Variants in TRIM75 observed in about 807,000 individuals in gnomAD.
TRIM75 encodes the protein tripartite motif-containing protein 75.
chr4:165,060,500 T>C, the TRIM75 span: 1,192 of 778,854 alleles, frequency 1.5e-3, 13 homozygotes, highest in African/African-American at 0.017. Context: ...CTTATTTCTA[T>C]GTAGGACCAG....
chr4:165,056,119 G>T, the TRIM75 span, among the ~76,000 whole-genome samples: 3 of 151,580 alleles, frequency 2.0e-5, no homozygotes, highest in Non-Finnish European at 2.9e-5. Flanking sequence ...TAGAGACAGG[G>T]TTCCACCATG....
At chr4:165,056,602 C>CTTTTTTTTTTTTTTTTTTTT in the TRIM75 span, among the ~76,000 whole-genome samples, 1 of 69,962 alleles carries the variant, frequency 1.4e-5, no homozygotes, top group South Asian at 4.9e-4. Flanking sequence ...GTCTCTGTCT[C>CTTTTTTTTTTTTTTTTTTTT]TTTTTTTTTT....
the TRIM75 span, among the ~76,000 whole-genome samples, chr4:165,056,212 C>T: frequency 6.6e-6 from 1 of 151,988 alleles, no homozygotes; most frequent in African/African-American, 2.4e-5. Flanking sequence ...AATCCCAACA[C>T]TTTGAGAGGC....
chr4:165,055,907 C>T, the TRIM75 span, among the ~76,000 whole-genome samples: 12 of 144,570 alleles, frequency 8.3e-5, no homozygotes, highest in Non-Finnish European at 1.5e-4. Context: ...ACACATGAGA[C>T]GCTGTCTCTC....
At chr4:165,057,695 T>TG in the TRIM75 span, among the ~76,000 whole-genome samples, 2 of 151,864 alleles carry the variant, frequency 1.3e-5, no homozygotes, top group African/African-American at 4.9e-5. Flanking sequence ...CATGCCAGGC[T>TG]AATTTTTTTT....
At chr4:165,055,821 G>A in the TRIM75 span, among the ~76,000 whole-genome samples, 4 of 151,910 alleles carry the variant, frequency 2.6e-5, no homozygotes, top group African/African-American at 7.3e-5. Context: ...GGTGGTTCAC[G>A]CCTGTAATCT....
the TRIM75 span, among the ~76,000 whole-genome samples, chr4:165,057,792 C>T: frequency 2.6e-5 from 4 of 152,288 alleles, no homozygotes; most frequent in East Asian, 7.7e-4. Context: ...CCTCGGCCTC[C>T]CAAAGTGCTG....
At chr4:165,056,932 A>G in the TRIM75 span, among the ~76,000 whole-genome samples, 2 of 152,132 alleles carry the variant, frequency 1.3e-5, no homozygotes, top group African/African-American at 2.4e-5. Flanking sequence ...ATTTTCTAAA[A>G]TACAAAATTC....
At chr4:165,057,852 C>T in the TRIM75 span, among the ~76,000 whole-genome samples, 9 of 152,182 alleles carry the variant, frequency 5.9e-5, no homozygotes, top group Non-Finnish European at 1.2e-4. Flanking sequence ...ACTTCACAGT[C>T]TACAGTGTTG....
the TRIM75 span, among the ~76,000 whole-genome samples, chr4:165,056,555 A>G: frequency 1.3e-5 from 2 of 149,912 alleles, no homozygotes; most frequent in Non-Finnish European, 3.0e-5. Flanking sequence ...CATAATAGAC[A>G]ATCTATGTAC....
chr4:165,054,657 C>G, the TRIM75 span, among the ~76,000 whole-genome samples: 1 of 152,148 alleles, frequency 6.6e-6, no homozygotes, highest in Non-Finnish European at 1.5e-5. Flanking sequence ...GCCTCGGCCT[C>G]CCAAAGTGCT....
At chr4:165,059,995 C>G in the TRIM75 span, 760 of 778,146 alleles carry the variant, frequency 9.8e-4, 5 homozygotes, top group African/African-American at 0.011. Flanking sequence ...CCCCAATATT[C>G]TGCTCTGCAG....
chr4:165,056,297 A>AC, the TRIM75 span, among the ~76,000 whole-genome samples: 138 of 148,562 alleles, frequency 9.3e-4, no homozygotes, highest in African/African-American at 3.3e-3. Context: ...AATAAAAATG[A>AC]TTTTTTTTTT....
chr4:165,055,163 T>C, the TRIM75 span, among the ~76,000 whole-genome samples: 2 of 152,000 alleles, frequency 1.3e-5, no homozygotes, highest in African/African-American at 2.4e-5. Flanking sequence ...TTTGTAGAAA[T>C]GGGGTCTCAC....
At chr4:165,058,067 C>G in the TRIM75 span, among the ~76,000 whole-genome samples, 1 of 152,132 alleles carries the variant, frequency 6.6e-6, no homozygotes, top group Non-Finnish European at 1.5e-5. Flanking sequence ...TTTCATTTCA[C>G]AAATAGATAG....
At chr4:165,059,318 TC>T in the TRIM75 span, 1 of 780,432 alleles carries the variant, frequency 1.3e-6, no homozygotes, top group South Asian at 1.3e-5. Context: ...CTGTCTGTCG[TC>T]ACCAGTGTCA....
chr4:165,060,065 C>T, the TRIM75 span: 1 of 780,708 alleles, frequency 1.3e-6, no homozygotes, highest in Non-Finnish European at 2.4e-6. Flanking sequence ...CACACCCTAA[C>T]CTGATTGTAT....
the TRIM75 span, among the ~76,000 whole-genome samples, chr4:165,058,091 T>C: frequency 1.3e-5 from 2 of 152,238 alleles, no homozygotes; most frequent in Admixed American, 6.5e-5. Context: ...TTCTGTGGCC[T>C]ATTCAACTGT....
chr4:165,055,623 CTT>C, the TRIM75 span, among the ~76,000 whole-genome samples: 1 of 152,018 alleles, frequency 6.6e-6, no homozygotes, highest in African/African-American at 2.4e-5. Context: ...GATACTGAGT[CTT>C]GACGCTGGAA....
Sources: gnomAD v4.1 joint callset for allele counts (sites outside exome capture counted in the v4.1 genomes callset) on GRCh38, gnomAD v4.1.1 for gene constraint, MANE v1.5 for transcripts, NCBI Gene and HGNC (gene_info 2026-07-23, HGNC 2026-07-21) for gene names.